Variants in PCGF5 observed in about 807,000 individuals in gnomAD.
PCGF5 encodes the protein polycomb group ring finger 5, also known as polycomb group RING finger protein 5.
PCGF5 carries 9 observed loss-of-function variants against 44.3 expected under a neutral mutation model. That is an observed-to-expected ratio of 0.20 (90% confidence interval 0.12 to 0.35). PCGF5 has a LOEUF of 0.35. Among genes scored for constraint, PCGF5 ranks in the 10% least tolerant of loss-of-function variants. The pLI is 1.00. For synonymous variants in PCGF5, 95 were observed against 102.5 expected (o/e 0.93, Z 0.44); for missense variants, 146 against 305.3 (o/e 0.48, Z 3.89).
At chr10:91,221,170 C>T (rs1844666527) in intron 1 of PCGF5, among the ~76,000 whole-genome samples, 2 of 152,162 alleles carry the variant, frequency 1.3e-5, no homozygotes, top group East Asian at 3.9e-4. Context: ...CTGGGTCCTG[C>T]CGGAGAACGC....
At chr10:91,249,371 GTATATATATATATA>G (rs3074316) in intron 5 of PCGF5, among the ~76,000 whole-genome samples, 15,213 of 120,070 alleles carry the variant, frequency 0.13, 1,180 homozygotes, top group East Asian at 0.21. Context: ...GGCTTTTAGT[GTATATATATATATA>G]TATATATATA....
chr10:91,225,736 A>G (rs1229872666), intron 2 of PCGF5, among the ~76,000 whole-genome samples: 1 of 152,068 alleles, frequency 6.6e-6, no homozygotes, highest in African/African-American at 2.4e-5. Flanking sequence ...TTATACAAAT[A>G]AAAGAATACT....
At chr10:91,196,853 G>A (rs1461975246) in intron 1 of PCGF5, among the ~76,000 whole-genome samples, 4 of 152,116 alleles carry the variant, frequency 2.6e-5, no homozygotes, top group African/African-American at 4.8e-5. Flanking sequence ...ATCCCAGCCA[G>A]TGAAATCACT....
At chr10:91,216,476 T>C (rs1166146498), upstream of PCGF5, among the ~76,000 whole-genome samples, 1 of 152,182 alleles carries the variant, frequency 6.6e-6, no homozygotes, top group African/African-American at 2.4e-5. Flanking sequence ...AATGGCCTTA[T>C]TAAGTGTTTG....
chr10:91,224,367 A>G (rs183636865), intron 2 of PCGF5, among the ~76,000 whole-genome samples: 2 of 152,330 alleles, frequency 1.3e-5, no homozygotes, highest in African/African-American at 2.4e-5. Flanking sequence ...TTAATTAACT[A>G]TCATCGAACA....
chr10:91,218,735 C>A (rs1467753853), upstream of PCGF5, among the ~76,000 whole-genome samples: 1 of 151,950 alleles, frequency 6.6e-6, no homozygotes, highest in African/African-American at 2.4e-5. Context: ...TAGGTTCAAG[C>A]GATTCTCCTG....
intron 1 of PCGF5, among the ~76,000 whole-genome samples, chr10:91,210,877 T>G (rs1339049781): frequency 6.6e-6 from 1 of 152,248 alleles, no homozygotes; most frequent in East Asian, 1.9e-4. Flanking sequence ...GTTTCACCTA[T>G]TCTCTCATTT....
chr10:91,271,078 T>C (rs906705265), intron 8 of PCGF5, among the ~76,000 whole-genome samples: 39 of 145,678 alleles, frequency 2.7e-4, no homozygotes, highest in African/African-American at 1.1e-3. Flanking sequence ...AGACCACAAA[T>C]GTGACTAAAA....
chr10:91,260,218 C>T (rs1252780328), intron 6 of PCGF5, among the ~76,000 whole-genome samples: 3 of 152,060 alleles, frequency 2.0e-5, no homozygotes, highest in East Asian at 1.9e-4. Context: ...AAATGCTCAT[C>T]GTCACTGGCC....
rs1436883871 is a variant in PCGF5 at position 91,281,401 on chromosome 10, A to G, written c.*3085A>G. On this transcript the variant is annotated 3_prime_UTR_variant, in exon 10 of 10. Coordinates refer to ENST00000336126, the MANE Select transcript of PCGF5 (RefSeq NM_032373.5). ...ATTATTTAAGGAAAAAAAGTGTGTT[A>G]TATAATATTGTGAACTGTTTAGCTT... The G allele has an allele frequency of 2.0e-5, 3 of 152,570 alleles. No individual in the cohort carries two copies. The highest frequency in any genetic ancestry group is 7.2e-5 in the African/African-American group (3 of 41,464). 9.5% of individuals were successfully genotyped at this position (152,570 alleles called of 1,614,324 possible). A position where few individuals can be genotyped will look rare whatever the true frequency, so the allele number is the denominator to read the frequency against.
chr10:91,261,835 A>G (rs557992201), intron 7 of PCGF5, among the ~76,000 whole-genome samples: 12 of 152,358 alleles, frequency 7.9e-5, no homozygotes, highest in Non-Finnish European at 1.6e-4. Context: ...AAGGAATTTC[A>G]TAAGTAATCA....
chr10:91,227,542 T>C (rs1363167695), intron 2 of PCGF5: 1 of 1,209,854 alleles, frequency 8.3e-7, no homozygotes, highest in Non-Finnish European at 1.1e-6. Context: ...CCCTTTAGTT[T>C]CATCCCTCTG....
chr10:91,163,551 T>C (rs909076818), intron 1 of PCGF5, among the ~76,000 whole-genome samples: 1 of 151,864 alleles, frequency 6.6e-6, no homozygotes, highest in Non-Finnish European at 1.5e-5. Context: ...GAGTCGGCGC[T>C]CGGGCCCTTC....
At chr10:91,198,439 A>G (rs1047156229) in intron 1 of PCGF5, among the ~76,000 whole-genome samples, 1 of 152,126 alleles carries the variant, frequency 6.6e-6, no homozygotes, top group South Asian at 2.1e-4. Context: ...TCTTCTCACT[A>G]ATGCCTTTGC....
chr10:91,202,774 A>G lies in PCGF5; in HGVS notation c.-183-19915A>G, dbSNP rs985831788. ...TGGGGCAAGGGGTAGTTAGGCGAAA[A>G]GATTGGCCATTTATGCTATATAATA... On this transcript the variant is annotated intron_variant, in intron 1 of 9. Coordinates refer to the PCGF5 transcript ENST00000614189. 7.9e-4 allele frequency among the ~76,000 whole-genome samples: 120 copies of G among 152,170 alleles called. 1 individual carries two copies. The highest frequency in any genetic ancestry group is 2.7e-3 in the African/African-American group (111 of 41,442).
chr10:91,156,716 C>G, the PCGF5 span, among the ~76,000 whole-genome samples: 5 of 152,134 alleles, frequency 3.3e-5, no homozygotes, highest in African/African-American at 1.2e-4. Flanking sequence ...AGTGCAAGAA[C>G]CCCTAACCAT....
chr10:91,185,852 G>A (rs1000651602), intron 1 of PCGF5, among the ~76,000 whole-genome samples: 1 of 152,026 alleles, frequency 6.6e-6, no homozygotes, highest in South Asian at 2.1e-4. Context: ...TCCCTGGTGG[G>A]CCATCATTTT....
At position 91,271,656 on chromosome 10, in the gene PCGF5, T is replaced by C. The variant is rs377561962; in HGVS notation, c.682T>C (p.Ser228Pro). The C allele has an allele frequency of 3.7e-6, 6 of 1,613,838 alleles. No individual in the cohort carries two copies. The African/African-American group carries it at 6.7e-5, about 18-fold the overall frequency. Residue 228 changes from serine to proline, a missense_variant, in exon 9 of 10, where the codon TCA becomes CCA. Around this residue, in one of 3 missense-constraint regions of PCGF5, gnomAD observed 19 missense variants for 17.2 expected, o/e 1.11. Transcript: ENST00000336126. Reference sequence around the variant, plus strand: ...TCCGCAGTTTCGGTGTCTGAACTGCTCAGCTTCGCAAGTCTGCTCTCAGGA... The same window carrying C: ...TCCGCAGTTTCGGTGTCTGAACTGCCCAGCTTCGCAAGTCTGCTCTCAGGA... ...RGENFRCLNC[S>P]ASQVCSQDGP...
rs879089401 is a variant in PCGF5, at chr10:91,281,285, C to CATCT, written c.*2973_*2976dup. 6.6e-6 allele frequency: 1 copy of CATCT among 152,510 alleles called. No homozygotes were observed. Among genetic ancestry groups the CATCT allele is most frequent in the South Asian group, 2.1e-4 (1 of 4,820 alleles). 9.4% of individuals were successfully genotyped at this position (152,510 alleles called of 1,614,324 possible). A position where few individuals can be genotyped will look rare whatever the true frequency, so the allele number is the denominator to read the frequency against. ...GTATATTATTTCTTTATACATTAAA[C>CATCT]ATCTATCCCATAGTAATGTGCCACA... On this transcript the variant is annotated 3_prime_UTR_variant, in exon 10 of 10. Transcript: ENST00000336126.
Sources: allele counts gnomAD v4.1 joint callset (sites outside exome capture counted in the v4.1 genomes callset), GRCh38; gene constraint gnomAD v4.1.1; regional missense constraint gnomAD v4.1.1; transcripts MANE v1.5; gene names NCBI Gene and HGNC (gene_info 2026-07-23, HGNC 2026-07-21).